Variants in NAALADL2 observed in about 807,000 individuals in gnomAD.
NAALADL2 encodes inactive N-acetylated-alpha-linked acidic dipeptidase-like protein 2.
In NAALADL2, 76 loss-of-function variants were observed where a neutral mutation model predicts 87.2. The ratio of observed to expected loss-of-function variants is 0.87; its 90% CI spans 0.72 to 1.05. The LOEUF (loss-of-function observed/expected upper bound fraction) is 1.05, where lower values mean the gene tolerates loss of function less well. NAALADL2 is among the 50% of genes least tolerant of loss of function. The pLI is 0.00. For missense variants in NAALADL2, 1,089 were observed against 945.8 expected, an observed-to-expected ratio of 1.15 and a Z score of -1.99; for synonymous variants, 354 against 331.0, an observed-to-expected ratio of 1.07 and a Z score of -0.75.
chr3:175,284,735 C>T (rs960162557), intron 4 of NAALADL2, among the ~76,000 whole-genome samples: 5 of 151,952 alleles, frequency 3.3e-5, no homozygotes, highest in Non-Finnish European at 5.9e-5. Flanking sequence ...AAAATAATAA[C>T]GGCACCTGTT....
intron 7 of NAALADL2, among the ~76,000 whole-genome samples, chr3:175,463,752 G>A (rs750887069): frequency 6.6e-6 from 1 of 150,670 alleles, no homozygotes; most frequent in Non-Finnish European, 1.5e-5. Flanking sequence ...GATCTCTCAG[G>A]AGGAGATGAA....
intron 1 of NAALADL2, among the ~76,000 whole-genome samples, chr3:175,062,994 C>T (rs1392053785): frequency 6.6e-6 from 1 of 152,078 alleles, no homozygotes; most frequent in East Asian, 1.9e-4. Context: ...TACTTGTAAA[C>T]TCTGTGATAA....
chr3:174,883,931 A>C (rs1183275859), intron 1 of NAALADL2, among the ~76,000 whole-genome samples: 1 of 151,910 alleles, frequency 6.6e-6, no homozygotes, highest in Non-Finnish European at 1.5e-5. Flanking sequence ...ACTCTTCCTT[A>C]CCTCCACTGT....
intron 1 of NAALADL2, among the ~76,000 whole-genome samples, chr3:174,925,337 C>T (rs9755292): frequency 0.18 from 27,311 of 152,072 alleles, 2,725 homozygotes; most frequent in East Asian, 0.34. Flanking sequence ...AATCCTTTCC[C>T]CATTTCTTGT....
chr3:175,190,737 G>A (rs1292269212), intron 2 of NAALADL2, among the ~76,000 whole-genome samples: 12 of 152,288 alleles, frequency 7.9e-5, no homozygotes, highest in Non-Finnish European at 1.2e-4. Flanking sequence ...AGCACTTTGG[G>A]AGGCCTAGGC....
intron 1 of NAALADL2, among the ~76,000 whole-genome samples, chr3:174,966,897 G>C (rs1026764067): frequency 1.3e-5 from 2 of 152,034 alleles, no homozygotes; most frequent in Non-Finnish European, 2.9e-5. Context: ...GATAGAGTAA[G>C]AGATTCCCCC....
At chr3:175,763,734 A>C (rs995902586) in intron 13 of NAALADL2, among the ~76,000 whole-genome samples, 5 of 152,324 alleles carry the variant, frequency 3.3e-5, no homozygotes, top group East Asian at 3.9e-4. Context: ...ATACATTAAG[A>C]GGGCACATCT....
chr3:174,445,059 C>G (rs1220878447), intron 1 of NAALADL2, among the ~76,000 whole-genome samples: 1 of 144,038 alleles, frequency 6.9e-6, no homozygotes, highest in African/African-American at 2.6e-5. Flanking sequence ...TTCTTGAATT[C>G]TTACTATAAA....
In NAALADL2 at chr3:174,624,795, T is replaced by A. The variant is rs551874901; in HGVS notation, c.-115+74158T>A. On this transcript the variant is annotated intron_variant, in intron 2 of 3. Transcript: ENST00000434257. ...GCCTTGTTAGTAGTCACTCAAAAATTTTTTCAGTGCTGTTTATTTACTTTT... is the reference window on the plus strand; with the variant it reads ...GCCTTGTTAGTAGTCACTCAAAAATATTTTCAGTGCTGTTTATTTACTTTT... 2.0e-5 allele frequency among the ~76,000 whole-genome samples: 3 copies of A among 152,282 alleles called. No individual in the cohort carries two copies. The South Asian group carries it at 6.2e-4, about 32-fold the overall frequency.
At chr3:175,606,170 G>A (rs1348396079) in intron 10 of NAALADL2, among the ~76,000 whole-genome samples, 1 of 152,168 alleles carries the variant, frequency 6.6e-6, no homozygotes, top group East Asian at 1.9e-4. Flanking sequence ...TTTTTAAAGT[G>A]CCAAAGTATT....
chr3:174,646,834 G>A (rs1723838244), intron 2 of NAALADL2, among the ~76,000 whole-genome samples: 1 of 151,344 alleles, frequency 6.6e-6, no homozygotes, highest in African/African-American at 2.5e-5. Context: ...AAAGTAACAT[G>A]ACCTTATTTT....
rs57135964 is a variant in NAALADL2 at position 174,717,795 on chromosome 3, T to C, written c.-114-19846T>C. 1.5e-3 allele frequency among the ~76,000 whole-genome samples: 230 copies of C among 152,278 alleles called. 4 individuals are homozygous for C. In the East Asian group the frequency reaches 0.042, roughly 28 times the overall value. ...TTTTTTTCTCCTGAGTCCATTGATA[T>C]ATGTGCAATTCACTTTTAAAAATAC... On this transcript the variant is annotated intron_variant, in intron 2 of 3. Transcript: ENST00000434257.
At chr3:175,266,396 T>C (rs992591065) in intron 4 of NAALADL2, among the ~76,000 whole-genome samples, 1 of 151,552 alleles carries the variant, frequency 6.6e-6, no homozygotes, top group African/African-American at 2.4e-5. Context: ...TCTAGAAATA[T>C]ACATAGTACA....
At chr3:174,642,677 G>A (rs1453243251) in intron 2 of NAALADL2, among the ~76,000 whole-genome samples, 1 of 149,566 alleles carries the variant, frequency 6.7e-6, no homozygotes, top group Non-Finnish European at 1.5e-5. Context: ...AGTCTTGGTT[G>A]CTTGTTTCAA....
Position 175,305,250 on chromosome 3 carries a change from ATGTGTGTGTG to A in NAALADL2, c.940-18913_940-18904del, listed in dbSNP as rs66513736. Among the ~76,000 whole-genome samples, 3 of 148,650 alleles carry A rather than the reference ATGTGTGTGTG, an allele frequency of 2.0e-5. No homozygotes were observed. In the East Asian group the frequency reaches 5.9e-4, roughly 29 times the overall value. On this transcript the variant is annotated intron_variant, in intron 4 of 13. Coordinates refer to ENST00000454872, the MANE Select transcript of NAALADL2 (RefSeq NM_207015.3). Reference sequence around the variant, plus strand: ...ATGGTGTGTGTGTGTGTGTTTGTGTATGTGTGTGTGTGTGTGTGTGTATGTGTATGTGTGT... The same window carrying A: ...ATGGTGTGTGTGTGTGTGTTTGTGTATGTGTGTGTGTATGTGTATGTGTGT...
intron 1 of NAALADL2, among the ~76,000 whole-genome samples, chr3:174,460,111 T>C (rs1273944401): frequency 1.3e-5 from 2 of 152,262 alleles, no homozygotes; most frequent in South Asian, 2.1e-4. Flanking sequence ...GAATTAAACA[T>C]GTAGACTAAA....
At chr3:175,487,472 C>T (rs1349105233) in intron 9 of NAALADL2, 3 of 452,800 alleles carry the variant, frequency 6.6e-6, no homozygotes, top group Admixed American at 2.4e-5. Context: ...AATTTATTTG[C>T]CCATCCAAAG....
At chr3:174,519,277 G>T (rs1720116593) in intron 1 of NAALADL2, among the ~76,000 whole-genome samples, 1 of 150,076 alleles carries the variant, frequency 6.7e-6, no homozygotes, top group African/African-American at 2.5e-5. Flanking sequence ...TTAAGATTAA[G>T]ATTAGCCCTC....
At chr3:174,813,822 C>T (rs1256478667) in intron 3 of NAALADL2, among the ~76,000 whole-genome samples, 1 of 151,888 alleles carries the variant, frequency 6.6e-6, no homozygotes, top group Non-Finnish European at 1.5e-5. Flanking sequence ...GCCTGGCTCC[C>T]CTTATGTTTT....
Sources: gnomAD v4.1 joint callset for allele counts (sites outside exome capture counted in the v4.1 genomes callset) on GRCh38, gnomAD v4.1.1 for gene constraint, MANE v1.5 for transcripts, NCBI Gene and HGNC (gene_info 2026-07-23, HGNC 2026-07-21) for gene names.